NLK: variants seen among roughly 807,000 people sequenced by gnomAD.
NLK encodes the protein serine/threonine-protein kinase NLK.
A neutral mutation model predicts 59.0 loss-of-function variants in NLK; 11 were observed. The ratio of observed to expected loss-of-function variants is 0.19; its 90% CI spans 0.12 to 0.31. The LOEUF is 0.31. NLK is among the 10% of genes least tolerant of loss of function. The probability of loss-of-function intolerance (pLI) is 1.00; values close to 1 mark genes in which losing one functional copy is unlikely to be tolerated. For missense variants in NLK, 410 were observed against 661.1 expected (o/e 0.62, Z 4.16); for synonymous variants, 235 against 235.9 (o/e 1.00, Z 0.03).
At chr17:28,128,678 A>T (rs1268566815) in intron 2 of NLK, among the ~76,000 whole-genome samples, 6 of 152,358 alleles carry the variant, frequency 3.9e-5, no homozygotes, top group Non-Finnish European at 8.8e-5. Context: ...AAGGACATAG[A>T]TCAACTGAAA....
At chr17:28,188,896 C>G (rs1455821724) in intron 8 of NLK, among the ~76,000 whole-genome samples, 2 of 152,006 alleles carry the variant, frequency 1.3e-5, no homozygotes, top group African/African-American at 2.4e-5. Context: ...CATGTCTGCT[C>G]CTGAACTGAA....
intron 1 of NLK, among the ~76,000 whole-genome samples, 193 bp from the exon 2 acceptor site, chr17:28,122,410 G>T (rs1173811909): frequency 6.6e-6 from 1 of 151,792 alleles, no homozygotes; most frequent in Non-Finnish European, 1.5e-5. Flanking sequence ...TGAGTTGGGT[G>T]ACCAAACATT....
At chr17:28,104,684 A>C (rs1251528626) in intron 1 of NLK, among the ~76,000 whole-genome samples, 1 of 152,120 alleles carries the variant, frequency 6.6e-6, no homozygotes, top group African/African-American at 2.4e-5. Flanking sequence ...GAGATGGACA[A>C]GCAGAGCAAG....
At chr17:28,087,619 T>A (rs1910557581) in intron 1 of NLK, among the ~76,000 whole-genome samples, 1 of 152,218 alleles carries the variant, frequency 6.6e-6, no homozygotes, top group Non-Finnish European at 1.5e-5. Context: ...GTCTAGTTTG[T>A]CAGTGGAGTA....
intron 7 of NLK, among the ~76,000 whole-genome samples, chr17:28,175,767 T>C (rs922825688): frequency 2.0e-5 from 3 of 152,214 alleles, no homozygotes; most frequent in Non-Finnish European, 4.4e-5. Context: ...ACCATTAAAG[T>C]TATGACTCTA....
At chr17:28,175,086 G>A (rs1908620588) in intron 7 of NLK, among the ~76,000 whole-genome samples, 1 of 151,500 alleles carries the variant, frequency 6.6e-6, no homozygotes, top group Non-Finnish European at 1.5e-5. Flanking sequence ...AAAATGTATA[G>A]GGTTTAGCTT....
intron 1 of NLK, among the ~76,000 whole-genome samples, chr17:28,105,800 T>C (rs897666059): frequency 1.3e-5 from 2 of 152,210 alleles, no homozygotes; most frequent in African/African-American, 4.8e-5. Flanking sequence ...GAGTAGACAT[T>C]GTTAGCTAAT....
downstream of NLK, among the ~76,000 whole-genome samples, chr17:28,200,834 G>A (rs1216944552): frequency 2.0e-5 from 3 of 151,948 alleles, no homozygotes; most frequent in Non-Finnish European, 2.9e-5. Context: ...TTTATAACAT[G>A]CACATCCGTT....
chr17:28,168,137 C>T (rs931509044), intron 5 of NLK, among the ~76,000 whole-genome samples: 6 of 146,452 alleles, frequency 4.1e-5, no homozygotes, highest in African/African-American at 1.5e-4. Context: ...CCAGCCTGGC[C>T]AATATGGTGA....
intron 7 of NLK, among the ~76,000 whole-genome samples, chr17:28,176,640 T>C (rs1908692207): frequency 6.6e-6 from 1 of 152,220 alleles, no homozygotes; most frequent in Admixed American, 6.5e-5. Context: ...GGCACTTACA[T>C]ATTCACAGCA....
intron 1 of NLK, among the ~76,000 whole-genome samples, chr17:28,121,355 A>G (rs1433595815): frequency 6.6e-6 from 1 of 150,558 alleles, no homozygotes; most frequent in Non-Finnish European, 1.5e-5. Flanking sequence ...AAATTCTACC[A>G]GAACAACCAA....
chr17:28,162,714 T>C (rs1015416903), intron 4 of NLK, among the ~76,000 whole-genome samples: 2 of 152,106 alleles, frequency 1.3e-5, no homozygotes, highest in East Asian at 1.9e-4. Flanking sequence ...ATTGGCTCTT[T>C]TTGTACTTGT....
At chr17:28,172,045 T>C (rs1353465297) in intron 6 of NLK, among the ~76,000 whole-genome samples, 1 of 151,286 alleles carries the variant, frequency 6.6e-6, no homozygotes, top group Non-Finnish European at 1.5e-5. Context: ...GATAATCCTA[T>C]ATATAATAAA....
At chr17:28,058,999 G>A (rs997566452) in intron 1 of NLK, among the ~76,000 whole-genome samples, 1 of 152,084 alleles carries the variant, frequency 6.6e-6, no homozygotes, top group Non-Finnish European at 1.5e-5. Context: ...GGTGGAGTGT[G>A]CCTGTAGTCC....
At chr17:28,135,674 G>C (rs1906714599) in intron 3 of NLK, among the ~76,000 whole-genome samples, 1 of 152,212 alleles carries the variant, frequency 6.6e-6, no homozygotes, top group Admixed American at 6.5e-5. Flanking sequence ...TGTGAAGAAA[G>C]AATGTTTCCA....
intron 1 of NLK, among the ~76,000 whole-genome samples, chr17:28,111,275 C>T (rs1905464657): frequency 6.6e-6 from 1 of 152,036 alleles, no homozygotes; most frequent in Non-Finnish European, 1.5e-5. Flanking sequence ...CAACCTCTGC[C>T]TCCCGGGTTC....
At chr17:28,154,495 C>T (rs577749324) in intron 3 of NLK, among the ~76,000 whole-genome samples, 1 of 152,246 alleles carries the variant, frequency 6.6e-6, no homozygotes, top group South Asian at 2.1e-4. Flanking sequence ...GCTCTAAGCA[C>T]TCCCACAGAG....
chr17:28,096,664 G>A (rs1904711989), intron 1 of NLK, among the ~76,000 whole-genome samples: 1 of 152,142 alleles, frequency 6.6e-6, no homozygotes. Flanking sequence ...TGTGCATATT[G>A]AAGACACTTC....
chr17:28,151,854 T>G (rs564458406), intron 3 of NLK, among the ~76,000 whole-genome samples: 31 of 152,366 alleles, frequency 2.0e-4, no homozygotes, highest in African/African-American at 7.2e-4. Flanking sequence ...ACATAAGTGA[T>G]GTAGTCATTT....
Sources: gnomAD v4.1 joint callset for allele counts (sites outside exome capture counted in the v4.1 genomes callset) on GRCh38, gnomAD v4.1.1 for gene constraint, MANE v1.5 for transcripts, NCBI Gene and HGNC (gene_info 2026-07-23, HGNC 2026-07-21) for gene names.